RSF1: variants seen among roughly 807,000 people sequenced by gnomAD.
RSF1 encodes the protein remodeling and spacing factor 1, also known as HBV pX-associated protein 8.
A neutral mutation model predicts 145.2 loss-of-function variants in RSF1; 13 were observed. The ratio of observed to expected loss-of-function variants is 0.09; its 90% CI spans 0.06 to 0.14. The LOEUF (loss-of-function observed/expected upper bound fraction) is 0.14, where lower values mean the gene tolerates loss of function less well. RSF1 is among the 10% of genes least tolerant of loss of function. The pLI is 1.00. For synonymous variants in RSF1, 577 were observed against 592.6 expected, an observed-to-expected ratio of 0.97 and a Z score of 0.38; for missense variants, 1,517 against 1,718.2, an observed-to-expected ratio of 0.88 and a Z score of 2.07.
chr11:77,762,661 T>C lies in RSF1; in HGVS notation c.279+1937A>G, dbSNP rs546739174. On this transcript the variant is annotated intron_variant, in intron 2 of 15. Coordinates refer to ENST00000308488, the MANE Select transcript of RSF1 (RefSeq NM_016578.4). ...CAAATAGATGCCAATGCTGACTGAT[T>C]TGTGTAATAATGTAGTCTGCTAAGT... 11 of 152,336 alleles carry C rather than the reference T, an allele frequency of 7.2e-5. 1 individual carries two copies. The East Asian group carries it at 9.6e-4, about 13-fold the overall frequency. 9.4% of individuals were successfully genotyped at this position (152,336 alleles called of 1,614,324 possible). A position where few individuals can be genotyped will look rare whatever the true frequency, so the allele number is the denominator to read the frequency against.
At chr11:77,764,488 CTTACTT>C (rs1948205965) in intron 2 of RSF1, 104 bp downstream of exon 2, 6 of 675,858 alleles carry the variant, frequency 8.9e-6, no homozygotes, top group South Asian at 1.8e-5. Context: ...GAGCCATAGT[CTTACTT>C]TTAGTAAACT....
the RSF1 span, among the ~76,000 whole-genome samples, chr11:77,856,688 A>G: frequency 6.6e-6 from 1 of 152,252 alleles, no homozygotes; most frequent in East Asian, 1.9e-4. Flanking sequence ...AGCAAGAGGA[A>G]GAGAGCAAGC....
chr11:77,788,142 C>CAAAAAAAAA lies in RSF1; in HGVS notation c.188-23462_188-23454dup, dbSNP rs66595170. ...GGGCAACCAGAGTGAGACACTATCT[C>CAAAAAAAAA]AAAAAAAAAAAAAAAAAAAAAAAAA... On this transcript the variant is annotated intron_variant, in intron 1 of 15. Transcript: ENST00000308488. Among the ~76,000 whole-genome samples, 2 of 3,432 alleles carry CAAAAAAAAA rather than the reference C, an allele frequency of 5.8e-4. 1 individual carries two copies. Among genetic ancestry groups the CAAAAAAAAA allele is most frequent in the Non-Finnish European group, 1.9e-3 (2 of 1,066 alleles). The allele number at this position is 3,432 out of a possible 152,430, so 2.3% of individuals were successfully genotyped here.
chr11:77,720,456 T>C (rs1434204069), intron 5 of RSF1, among the ~76,000 whole-genome samples: 1 of 152,196 alleles, frequency 6.6e-6, no homozygotes, highest in Non-Finnish European at 1.5e-5. Flanking sequence ...ATATGCACGA[T>C]ACCTTCCAGG....
chr11:77,670,606 CTAGCTT>C lies in RSF1; in HGVS notation c.3751+1430_3751+1435del, dbSNP rs1420279910. On this transcript the variant is annotated intron_variant, in intron 15 of 15. Transcript: ENST00000308488. Reference sequence around the variant, plus strand: ...TATATTCCAGTGCTTGGAATAGGGCCTAGCTTAATAAATATTCATATTTAATGGCTT... The same window carrying C: ...TATATTCCAGTGCTTGGAATAGGGCCAATAAATATTCATATTTAATGGCTT... Among the ~76,000 whole-genome samples the C allele has an allele frequency of 3.9e-5, 6 of 152,186 alleles. No homozygotes were observed. In the East Asian group the frequency reaches 1.2e-3, roughly 29 times the overall value.
At chr11:77,811,587 G>A (rs650636) in intron 1 of RSF1, among the ~76,000 whole-genome samples, 52,183 of 152,002 alleles carry the variant, frequency 0.34, 9,140 homozygotes, top group East Asian at 0.46. Context: ...AGCAGGCAAG[G>A]GAAGGAAGAT....
In RSF1 at chr11:77,672,052, T is replaced by C. The variant is rs759447697; in HGVS notation, c.3741A>G (p.Ser1247=). Reference sequence around the variant, plus strand: ...AGACCTATGCCTTACCTTCACTCTCTGAGCTGGAAAGTCTTCGCTTGTGTA... The same window carrying C: ...AGACCTATGCCTTACCTTCACTCTCCGAGCTGGAAAGTCTTCGCTTGTGTA... ...RRVHKRRLSS[S]ESEESYLSKN... is the part of the protein sequence containing the mutation. Residue 1247 remains serine, a synonymous_variant, in exon 15 of 16, where the codon TCA becomes TCG. Transcript: ENST00000308488. The C allele has an allele frequency of 1.9e-6, 3 of 1,610,442 alleles. No homozygotes were observed. Among genetic ancestry groups the C allele is most frequent in the Admixed American group, 1.7e-5 (1 of 59,094 alleles).
chr11:77,774,503 T>C (rs1014057259), intron 1 of RSF1, among the ~76,000 whole-genome samples: 2 of 151,088 alleles, frequency 1.3e-5, no homozygotes, highest in African/African-American at 4.9e-5. Context: ...ACCCAGGAGG[T>C]GGAGGTTGCA....
chr11:77,723,886 T>C (rs183430126), intron 5 of RSF1, among the ~76,000 whole-genome samples: 14 of 152,308 alleles, frequency 9.2e-5, no homozygotes, highest in Admixed American at 3.9e-4. Context: ...TAAAAAGATG[T>C]TGGTCAAAAT....
intron 15 of RSF1, among the ~76,000 whole-genome samples, chr11:77,670,922 C>A (rs957355097): frequency 6.6e-6 from 1 of 150,778 alleles, no homozygotes. Context: ...GCTTGGCCAA[C>A]ATGGTGAAAC....
chr11:77,781,533 T>C (rs927220385), intron 1 of RSF1, among the ~76,000 whole-genome samples: 10 of 152,238 alleles, frequency 6.6e-5, no homozygotes, highest in South Asian at 2.1e-4. Context: ...AGGTTTAACC[T>C]AATAAGAAAC....
chr11:77,666,800 T>A lies in RSF1; in HGVS notation c.*117A>T. ...ACTTCAGGATTTGTTGAAATTTTTCTTCTAAAAGTCATTCTGTAGTGGAGT... is the reference window on the plus strand; with the variant it reads ...ACTTCAGGATTTGTTGAAATTTTTCATCTAAAAGTCATTCTGTAGTGGAGT... On this transcript the variant is annotated 3_prime_UTR_variant, in exon 16 of 16. Coordinates refer to ENST00000308488, the MANE Select transcript of RSF1 (RefSeq NM_016578.4). 5 of 772,444 alleles carry A rather than the reference T, an allele frequency of 6.5e-6. No individual in the cohort carries two copies. The South Asian group carries it at 1.6e-4, about 24-fold the overall frequency. The allele number at this position is 772,444 out of a possible 1,614,324, so 47.8% of individuals were successfully genotyped here.
At chr11:77,840,839 C>T in the RSF1 span, among the ~76,000 whole-genome samples, 38 of 152,176 alleles carry the variant, frequency 2.5e-4, no homozygotes, top group African/African-American at 7.0e-4. Flanking sequence ...TCCAGCCTGG[C>T]GAAACAACTT....
At chr11:77,688,755 G>C (rs1282733653) in intron 9 of RSF1, among the ~76,000 whole-genome samples, 2 of 152,152 alleles carry the variant, frequency 1.3e-5, no homozygotes, top group African/African-American at 4.8e-5. Flanking sequence ...GTGAGACCCT[G>C]TGTTCAAACA....
In RSF1 at chr11:77,816,197, A is replaced by C. The variant is rs528175066; in HGVS notation, c.187+4331T>G. On this transcript the variant is annotated intron_variant, in intron 1 of 15. Transcript: ENST00000308488. The stretch of plus-strand genomic sequence containing the variant: ...AGGCTCTGGCCCCAGCAATACTACT[A>C]TTAATGTATGTATGCCCTACCAGTG... Among the ~76,000 whole-genome samples, 5 of 152,350 alleles carry C rather than the reference A, an allele frequency of 3.3e-5. No individual in the cohort carries two copies. The East Asian group carries it at 9.6e-4, about 29-fold the overall frequency.
At chr11:77,689,930 G>A (rs974709055) in intron 9 of RSF1, among the ~76,000 whole-genome samples, 10 of 152,106 alleles carry the variant, frequency 6.6e-5, no homozygotes, top group African/African-American at 2.4e-4. Flanking sequence ...TTGGAAGGCC[G>A]AGGCGGGTGA....
intron 4 of RSF1, among the ~76,000 whole-genome samples, chr11:77,740,439 A>G (rs1961481052): frequency 6.6e-6 from 1 of 152,226 alleles, no homozygotes; most frequent in Non-Finnish European, 1.5e-5. Context: ...CTTTTGTCTA[A>G]CAATGTATTT....
chr11:77,842,525 C>T, the RSF1 span: 13 of 1,613,952 alleles, frequency 8.1e-6, no homozygotes, highest in Admixed American at 1.5e-4. Flanking sequence ...GCTTCCTTAT[C>T]ATGGGGGCAA....
chr11:77,803,964 C>T (rs1299494495), intron 1 of RSF1, among the ~76,000 whole-genome samples: 1 of 152,078 alleles, frequency 6.6e-6, no homozygotes, highest in African/African-American at 2.4e-5. Flanking sequence ...GCCTGTAGTC[C>T]CCCCTACTTG....
Sources: allele counts gnomAD v4.1 joint callset (sites outside exome capture counted in the v4.1 genomes callset), GRCh38; gene constraint gnomAD v4.1.1; transcripts MANE v1.5; gene names NCBI Gene and HGNC (gene_info 2026-07-23, HGNC 2026-07-21).